HIP1: variants seen among roughly 807,000 people sequenced by gnomAD.
The protein encoded by HIP1 is huntingtin interacting protein 1, also known as huntingtin-interacting protein 1.
HIP1 carries 65 observed loss-of-function variants against 147.6 expected under a neutral mutation model. The observed-to-expected ratio is 0.44, with a 90% CI of 0.36 to 0.54. The LOEUF is 0.54. Ranked by LOEUF, HIP1 falls within the 20% of genes least tolerant of loss-of-function variation. HIP1 has a pLI of 0.00. For synonymous variants in HIP1, 479 were observed against 504.0 expected (o/e 0.95, Z 0.67); for missense variants, 1,061 against 1,299.6 (o/e 0.82, Z 2.82).
intron 1 of HIP1, among the ~76,000 whole-genome samples, chr7:75,616,557 G>A (rs1554506070): frequency 6.6e-6 from 1 of 150,724 alleles, no homozygotes; most frequent in Non-Finnish European, 1.5e-5. Context: ...ACCGGCGCTA[G>A]CCACCATGCC....
At chr7:75,587,364 G>A (rs1263074032) in intron 4 of HIP1, among the ~76,000 whole-genome samples, 2 of 152,204 alleles carry the variant, frequency 1.3e-5, no homozygotes, top group Admixed American at 1.3e-4. Flanking sequence ...TTACAGGCGT[G>A]AGCCACCGCA....
chr7:75,545,173 T>C lies in HIP1; in HGVS notation c.2575A>G (p.Lys859Glu), dbSNP rs371966820. ...CGAGAGTTCTTGGCATAAAACTCTT[T>C]AGGGGATGCTGTACCCTAGGGAAAT... Reference protein sequence around the residue: ...VESGRGTASPKEFYAKNSRWT... With the variant: ...VESGRGTASPEEFYAKNSRWT... The change falls in exon 26 of 31, where the codon AAA becomes GAA. Residue 859 changes from lysine to glutamate, a missense_variant. Physicochemically the swap from Lys to Glu is moderately conservative, Grantham distance 56. This residue lies in a region of HIP1 where 810 missense variants were observed against 946.8 expected (regional missense o/e 0.86). Transcript: ENST00000336926. The C allele has an allele frequency of 9.9e-6, 16 of 1,608,090 alleles. 1 individual carries two copies. The highest frequency in any genetic ancestry group is 2.2e-5 in the East Asian group (1 of 44,864).
intron 1 of HIP1, among the ~76,000 whole-genome samples, chr7:75,657,328 C>T (rs1177142218): frequency 3.3e-5 from 5 of 151,962 alleles, no homozygotes; most frequent in East Asian, 3.9e-4. Flanking sequence ...GTCAGGAGTT[C>T]GAGACCAGCC....
At chr7:75,544,939 AG>A (rs1554490673) in intron 26 of HIP1, 139 bp from the exon 27 acceptor site, 3 of 747,464 alleles carry the variant, frequency 4.0e-6, no homozygotes, top group Non-Finnish European at 6.9e-6. Flanking sequence ...TGGGAGAGCC[AG>A]GCTCCCTTGT....
At chr7:75,604,652 G>C (rs1797146855) in intron 1 of HIP1, among the ~76,000 whole-genome samples, 1 of 145,778 alleles carries the variant, frequency 6.9e-6, no homozygotes, top group South Asian at 2.4e-4. Context: ...GAATGACAGA[G>C]CAAGACCTTG....
chr7:75,582,950 G>T (rs1433679265), intron 5 of HIP1, among the ~76,000 whole-genome samples: 1 of 152,114 alleles, frequency 6.6e-6, no homozygotes, highest in South Asian at 2.1e-4. Flanking sequence ...TACAACCTCT[G>T]ACCTCAATTT....
At chr7:75,551,324 A>G (rs1032975407) in intron 22 of HIP1, among the ~76,000 whole-genome samples, 1 of 148,324 alleles carries the variant, frequency 6.7e-6, no homozygotes. Context: ...CAGCCTCTCA[A>G]GTAGCTGGGA....
chr7:75,676,841 G>T (rs557906983), intron 1 of HIP1, among the ~76,000 whole-genome samples: 1 of 150,956 alleles, frequency 6.6e-6, no homozygotes, highest in Non-Finnish European at 1.5e-5. Flanking sequence ...AAAACTTTAT[G>T]TTAGTCTATT....
At chr7:75,620,687 A>AAAAC (rs1186253910) in intron 1 of HIP1, among the ~76,000 whole-genome samples, 4 of 152,206 alleles carry the variant, frequency 2.6e-5, no homozygotes, top group East Asian at 3.9e-4. Flanking sequence ...CTCTGTCTCA[A>AAAAC]AAACAAACAA....
At position 75,635,640 on chromosome 7, in the gene HIP1, A is replaced by G. The variant is rs587755826; in HGVS notation, c.121-36393T>C. Reference sequence around the variant, plus strand: ...TGGAAGATTTACTACTCCAGCTTCTATGCCTTAAAAGGATTATTTCCAACC... The same window carrying G: ...TGGAAGATTTACTACTCCAGCTTCTGTGCCTTAAAAGGATTATTTCCAACC... On this transcript the variant is annotated intron_variant, in intron 1 of 30. Coordinates refer to ENST00000336926, the MANE Select transcript of HIP1 (RefSeq NM_005338.7). Among the ~76,000 whole-genome samples the G allele has an allele frequency of 3.3e-5, 5 of 151,782 alleles. No homozygotes were observed. In the East Asian group the frequency reaches 7.8e-4, roughly 24 times the overall value.
At chr7:75,714,626 T>C (rs916440521) in intron 1 of HIP1, among the ~76,000 whole-genome samples, 2 of 151,720 alleles carry the variant, frequency 1.3e-5, no homozygotes, top group Non-Finnish European at 2.9e-5. Flanking sequence ...CTAATTTTTG[T>C]ATTTTTAGCA....
intron 1 of HIP1, among the ~76,000 whole-genome samples, chr7:75,644,703 G>A (rs1798750263): frequency 6.6e-6 from 1 of 152,192 alleles, no homozygotes; most frequent in Admixed American, 6.5e-5. Context: ...TTATGGTGCG[G>A]GGGAGGAGCT....
chr7:75,536,139 A>G lies in HIP1; in HGVS notation c.*2033T>C. On this transcript the variant is annotated 3_prime_UTR_variant, in exon 31 of 31. Coordinates refer to ENST00000336926, the MANE Select transcript of HIP1 (RefSeq NM_005338.7). ...TTGGTTTAGTTGCCACAACTGGGAC[A>G]GGGAAGCCACGCACCATTCCTTCTG... 1 of 196,944 alleles carries G rather than the reference A, an allele frequency of 5.1e-6. No individual in the cohort carries two copies. The highest frequency in any genetic ancestry group is 1.1e-5 in the Non-Finnish European group (1 of 94,832). The allele number at this position is 196,944 out of a possible 1,614,324, so 12.2% of individuals were successfully genotyped here.
chr7:75,541,525 C>T (rs1399585929), intron 29 of HIP1, among the ~76,000 whole-genome samples: 3 of 148,260 alleles, frequency 2.0e-5, no homozygotes, highest in South Asian at 2.1e-4. Context: ...AGCAAGACTC[C>T]GTCTCAAAAA....
At position 75,658,985 on chromosome 7, in the gene HIP1, G is replaced by A. The variant is rs573693641; in HGVS notation, c.121-59738C>T. Among the ~76,000 whole-genome samples, 14 of 152,192 alleles carry A rather than the reference G, an allele frequency of 9.2e-5. No homozygotes were observed. The East Asian group carries it at 2.7e-3, about 29-fold the overall frequency. On this transcript the variant is annotated intron_variant, in intron 1 of 30. Transcript: ENST00000336926. ...GGCAGGACTATGTGAATGTGAAAAG[G>A]GCCAGGGCCTACCAAGTACAGTGAA...
chr7:75,664,234 T>C (rs956105317), intron 1 of HIP1, among the ~76,000 whole-genome samples: 10 of 126,080 alleles, frequency 7.9e-5, no homozygotes, highest in Admixed American at 2.4e-4. Context: ...TGTGTGTGTA[T>C]ACATACACAT....
At chr7:75,713,471 A>C (rs1554520265) in intron 1 of HIP1, among the ~76,000 whole-genome samples, 1 of 152,158 alleles carries the variant, frequency 6.6e-6, no homozygotes, top group African/African-American at 2.4e-5. Flanking sequence ...GTTCTACTCC[A>C]TCTCTGCCTC....
chr7:75,600,231 C>T (rs1015756939), intron 1 of HIP1, among the ~76,000 whole-genome samples: 3 of 152,120 alleles, frequency 2.0e-5, no homozygotes, highest in Non-Finnish European at 4.4e-5. Flanking sequence ...CTGCCTCAGC[C>T]TCCCGAGTAG....
chr7:75,670,784 A>T (rs1799707627), intron 1 of HIP1, among the ~76,000 whole-genome samples: 1 of 80,400 alleles, frequency 1.2e-5, no homozygotes. Context: ...AGCTAATTAA[A>T]ACTTTTTTTT....
Sources: gnomAD v4.1 joint callset for allele counts (sites outside exome capture counted in the v4.1 genomes callset) on GRCh38, gnomAD v4.1.1 for gene constraint, gnomAD v4.1.1 regional missense constraint, MANE v1.5 for transcripts, NCBI Gene and HGNC (gene_info 2026-07-23, HGNC 2026-07-21) for gene names.